UBE2E1: variants seen among roughly 807,000 people sequenced by gnomAD.
UBE2E1 encodes the protein ubiquitin conjugating enzyme E2 E1.
UBE2E1 carries 6 observed loss-of-function variants against 21.4 expected under a neutral mutation model. The ratio of observed to expected loss-of-function variants is 0.28; its 90% CI spans 0.15 to 0.55. The LOEUF (loss-of-function observed/expected upper bound fraction) is 0.55. Among genes scored for constraint, UBE2E1 ranks in the 20% least tolerant of loss-of-function variants. The probability of loss-of-function intolerance (pLI) is 0.93; values close to 1 mark genes in which losing one functional copy is unlikely to be tolerated. For missense variants in UBE2E1, 142 were observed against 236.5 expected (o/e 0.60, Z 2.62); for synonymous variants, 87 against 82.7 (o/e 1.05, Z -0.28).
At chr3:23,882,788 C>T (rs536205794) in intron 3 of UBE2E1, among the ~76,000 whole-genome samples, 104 of 152,322 alleles carry the variant, frequency 6.8e-4, no homozygotes, top group Middle Eastern at 3.4e-3. Flanking sequence ...GGTGCTAAGC[C>T]CCTCACTGCC....
chr3:23,873,455 A>G (rs113006327), intron 3 of UBE2E1, among the ~76,000 whole-genome samples: 17 of 151,796 alleles, frequency 1.1e-4, no homozygotes, highest in Admixed American at 1.1e-3. Flanking sequence ...GCAAAATGTC[A>G]GAATTAGGCA....
intron 2 of UBE2E1, chr3:23,811,036 C>A (rs1699378181): frequency 1.1e-5 from 2 of 185,928 alleles, no homozygotes; most frequent in African/African-American, 4.7e-5. Flanking sequence ...ATGGGGGCAT[C>A]TGAGGGGTGA....
chr3:23,817,843 AGT>A (rs1033144024), intron 3 of UBE2E1, among the ~76,000 whole-genome samples: 20 of 152,334 alleles, frequency 1.3e-4, no homozygotes, highest in African/African-American at 4.3e-4. Flanking sequence ...TGTGTTCTTC[AGT>A]GTCAGGCTAA....
chr3:23,882,414 C>G (rs968392253), intron 3 of UBE2E1, among the ~76,000 whole-genome samples: 2 of 152,278 alleles, frequency 1.3e-5, no homozygotes, highest in Non-Finnish European at 2.9e-5. Flanking sequence ...AATCCTCCAG[C>G]TAGACGTAAA....
At chr3:23,813,679 A>G (rs1699449852) in intron 3 of UBE2E1, among the ~76,000 whole-genome samples, 1 of 151,992 alleles carries the variant, frequency 6.6e-6, no homozygotes, top group Admixed American at 6.6e-5. Flanking sequence ...AGTAGCTGGG[A>G]TTATAGGCAC....
At position 23,851,734 on chromosome 3, in the gene UBE2E1, C is replaced by G. The variant is rs559110345; in HGVS notation, c.204-35833C>G. 3.4e-4 allele frequency among the ~76,000 whole-genome samples: 52 copies of G among 152,118 alleles called. 1 individual carries two copies. In the South Asian group the frequency reaches 0.01, roughly 30 times the overall value. ...GGAAGATCAGTTGAGCCCAGGAGTT[C>G]GAGGCTGCAGTGATTGCACCACTGC... On this transcript the variant is annotated intron_variant, in intron 3 of 5. Transcript: ENST00000306627.
chr3:23,889,109 TAGG>T lies in UBE2E1; in HGVS notation c.337-2_337del. The T allele has an allele frequency of 1.3e-6, 2 of 1,586,174 alleles. No individual in the cohort carries two copies. The highest frequency in any genetic ancestry group is 1.9e-5 in the Admixed American group (1 of 54,010). On this transcript the variant is annotated splice_acceptor_variant and coding_sequence_variant, in exon 5 of 6. Coordinates refer to ENST00000306627, the MANE Select transcript of UBE2E1 (RefSeq NM_003341.5). LOFTEE classifies it high-confidence loss of function. ...AATATTGTCTGTCACTTGTTTTTTT[TAGG>T]TTACATTTCGGACAAGAATCTATCA...
rs571422007 is a variant in UBE2E1 at position 23,839,834 on chromosome 3, T to A, written c.203+28324T>A. 1.2e-4 allele frequency among the ~76,000 whole-genome samples: 18 copies of A among 152,324 alleles called. No homozygotes were observed. The South Asian group carries it at 3.3e-3, about 28-fold the overall frequency. ...TGTTTCTCCATATAATGTGTCATCT[T>A]TTTGTCTGGCTACTTTTAAGAATTA... On this transcript the variant is annotated intron_variant, in intron 3 of 5. Coordinates refer to ENST00000306627, the MANE Select transcript of UBE2E1 (RefSeq NM_003341.5).
intron 3 of UBE2E1, among the ~76,000 whole-genome samples, chr3:23,856,434 C>G (rs192555120): frequency 6.6e-6 from 1 of 152,346 alleles, no homozygotes; most frequent in African/African-American, 2.4e-5. Context: ...AGCCTTCTCT[C>G]CCCATCTGGA....
In UBE2E1 at chr3:23,811,395, A is replaced by G. The variant is rs931709106; in HGVS notation, c.153-65A>G. ...AGGTTTATCTGCAGACCTGCACGCT[A>G]CAGGTGGGAGGCTTCCGCGCCTTAA... On this transcript the variant is annotated intron_variant, in intron 2 of 5. Coordinates refer to ENST00000306627, the MANE Select transcript of UBE2E1 (RefSeq NM_003341.5). 5.4e-5 allele frequency: 81 copies of G among 1,495,358 alleles called. 1 individual carries two copies. The highest frequency in any genetic ancestry group is 1.1e-4 in the South Asian group (10 of 88,766). The allele number at this position is 1,495,358 out of a possible 1,614,324, so 92.6% of individuals were successfully genotyped here.
intron 3 of UBE2E1, among the ~76,000 whole-genome samples, chr3:23,881,201 A>C (rs1300229442): frequency 6.6e-6 from 1 of 152,198 alleles, no homozygotes; most frequent in Non-Finnish European, 1.5e-5. Flanking sequence ...TACCTGTGTG[A>C]AGTCAGAATC....
Position 23,874,176 on chromosome 3 carries a change from C to T in UBE2E1, c.204-13391C>T, listed in dbSNP as rs1055576680. 3.0e-4 allele frequency among the ~76,000 whole-genome samples: 46 copies of T among 152,290 alleles called. 1 individual carries two copies. Among genetic ancestry groups the T allele is most frequent in the African/African-American group, 1.1e-3 (44 of 41,566 alleles). ...GGAGACCTTTAGCTAAAATTAATTT[C>T]GTAATCAAAGATGTGTGCCAGAATC... On this transcript the variant is annotated intron_variant, in intron 3 of 5. Transcript: ENST00000306627.
rs527555817 is a variant in UBE2E1, at chr3:23,870,677, T to A, written c.204-16890T>A. On this transcript the variant is annotated intron_variant, in intron 3 of 5. Coordinates refer to ENST00000306627, the MANE Select transcript of UBE2E1 (RefSeq NM_003341.5). The surrounding 1 kb of genome is among the most constrained non-coding windows in gnomAD (Gnocchi z 4.2). ...CTTCAAGTTCCTATTTAAAATTCTTTTTTTATTTTATTTTATTTTATTGAT... is the reference window on the plus strand; with the variant it reads ...CTTCAAGTTCCTATTTAAAATTCTTATTTTATTTTATTTTATTTTATTGAT... Among the ~76,000 whole-genome samples the A allele has an allele frequency of 2.3e-3, 165 of 70,302 alleles. No homozygotes were observed. Among genetic ancestry groups the A allele is most frequent in the African/African-American group, 0.011 (156 of 14,712 alleles). The allele number at this position is 70,302 out of a possible 152,430, so 46.1% of individuals were successfully genotyped here. A position where few individuals can be genotyped will look rare whatever the true frequency, so the allele number is the denominator to read the frequency against.
rs72627041 is a variant in UBE2E1, at chr3:23,864,540, T to C, written c.204-23027T>C. Among the ~76,000 whole-genome samples the C allele has an allele frequency of 3.7e-3, 560 of 152,354 alleles. 18 individuals carry two copies. In the East Asian group the frequency reaches 0.052, roughly 14 times the overall value. On this transcript the variant is annotated intron_variant, in intron 3 of 5. Coordinates refer to ENST00000306627, the MANE Select transcript of UBE2E1 (RefSeq NM_003341.5). ...GAGTTTTTGAAATCTTTTGTTTGCT[T>C]GCTTTTGTTTTTAATTTTCAAAAGC...
chr3:23,825,214 G>A (rs1048070840), intron 3 of UBE2E1, among the ~76,000 whole-genome samples: 2 of 152,096 alleles, frequency 1.3e-5, no homozygotes, highest in Non-Finnish European at 2.9e-5. Context: ...GGTGGGCAGG[G>A]CAGTCTCCAA....
chr3:23,814,501 T>C (rs1031530287), intron 3 of UBE2E1, among the ~76,000 whole-genome samples: 2 of 152,144 alleles, frequency 1.3e-5, no homozygotes, highest in African/African-American at 4.8e-5. Context: ...TGTGTATATA[T>C]ATGCATACAC....
In UBE2E1 at chr3:23,832,001, C is replaced by G. The variant is rs544660640; in HGVS notation, c.203+20491C>G. Among the ~76,000 whole-genome samples the G allele has an allele frequency of 1.1e-4, 17 of 152,330 alleles. 2 individuals carry two copies. The South Asian group carries it at 2.9e-3, about 26-fold the overall frequency. Reference sequence around the variant, plus strand: ...GGTTACAGACATGAGCTACCATGCCCAGCCAAATACTTTTTTCTAAAGGAA... The same window carrying G: ...GGTTACAGACATGAGCTACCATGCCGAGCCAAATACTTTTTTCTAAAGGAA... On this transcript the variant is annotated intron_variant, in intron 3 of 5. Coordinates refer to ENST00000306627, the MANE Select transcript of UBE2E1 (RefSeq NM_003341.5).
At chr3:23,884,859 G>A (rs1701142134) in intron 3 of UBE2E1, among the ~76,000 whole-genome samples, 1 of 152,144 alleles carries the variant, frequency 6.6e-6, no homozygotes, top group Admixed American at 6.5e-5. Flanking sequence ...TTGCCTTTAA[G>A]TGTTTACCAT....
intron 3 of UBE2E1, among the ~76,000 whole-genome samples, chr3:23,869,870 G>A: frequency 6.6e-6 from 1 of 152,108 alleles, no homozygotes; most frequent in African/African-American, 2.4e-5. Context: ...ATTGAGGGCT[G>A]CTCTTGGGGG....
Sources: gnomAD v4.1 joint callset for allele counts (sites outside exome capture counted in the v4.1 genomes callset) on GRCh38, gnomAD v4.1.1 for gene constraint, Gnocchi (gnomAD v3.1) non-coding constraint, MANE v1.5 for transcripts, NCBI Gene and HGNC (gene_info 2026-07-23, HGNC 2026-07-21) for gene names.